Variants in SLC44A5 observed in about 807,000 individuals in gnomAD.
The protein encoded by SLC44A5 is choline transporter-like protein 5.
In SLC44A5, 57 loss-of-function variants were observed where a neutral mutation model predicts 101.8. The ratio of observed to expected loss-of-function variants is 0.56; its 90% CI spans 0.45 to 0.70. The LOEUF (loss-of-function observed/expected upper bound fraction) is 0.70. SLC44A5 is among the 30% of genes least tolerant of loss of function. The pLI, the probability that SLC44A5 is intolerant of heterozygous loss-of-function variation, is 0.00. For synonymous variants in SLC44A5, 281 were observed against 290.9 expected, an observed-to-expected ratio of 0.97 and a Z score of 0.35; for missense variants, 737 against 853.1, an observed-to-expected ratio of 0.86 and a Z score of 1.70.
chr1:75,392,675 T>C (rs780961724), intron 3 of SLC44A5, among the ~76,000 whole-genome samples: 35 of 152,088 alleles, frequency 2.3e-4, no homozygotes, highest in Non-Finnish European at 3.5e-4. Flanking sequence ...GGAAAAGAAA[T>C]TGTTCTACCA....
intron 4 of SLC44A5, among the ~76,000 whole-genome samples, chr1:75,331,272 CA>C (rs773877286): frequency 7.2e-5 from 11 of 152,112 alleles, no homozygotes; most frequent in African/African-American, 1.4e-4. Flanking sequence ...TTTAGTATCT[CA>C]AATTTAACAC....
chr1:75,280,508 A>T (rs966264487), intron 5 of SLC44A5, among the ~76,000 whole-genome samples: 1 of 121,976 alleles, frequency 8.2e-6, no homozygotes, highest in Non-Finnish European at 1.6e-5. Context: ...ATATATATAT[A>T]AAAAAACACC....
At chr1:75,299,748 T>C (rs537092351) in intron 5 of SLC44A5, among the ~76,000 whole-genome samples, 4 of 152,026 alleles carry the variant, frequency 2.6e-5, no homozygotes, top group African/African-American at 4.8e-5. Flanking sequence ...CAGTAGCTCA[T>C]GCCTGTAATC....
At chr1:75,468,373 G>A (rs955733288) in intron 2 of SLC44A5, among the ~76,000 whole-genome samples, 5 of 152,160 alleles carry the variant, frequency 3.3e-5, no homozygotes, top group Admixed American at 6.5e-5. Flanking sequence ...GCATTCCCAT[G>A]TTTGTTGTAG....
intron 2 of SLC44A5, 104 bp from the exon 3 acceptor site, chr1:75,396,725 AAC>A: frequency 1.1e-6 from 1 of 871,944 alleles, no homozygotes; most frequent in Non-Finnish European, 1.9e-6. Context: ...TCTTTAGACT[AAC>A]ACACAAAATA....
At chr1:75,497,752 C>A (rs953334258) in intron 2 of SLC44A5, among the ~76,000 whole-genome samples, 10 of 151,796 alleles carry the variant, frequency 6.6e-5, no homozygotes, top group South Asian at 2.1e-4. Flanking sequence ...ACATTGTGTA[C>A]CTTAAATATA....
chr1:75,244,047 G>A (rs2100614525), intron 7 of SLC44A5, among the ~76,000 whole-genome samples: 1 of 152,204 alleles, frequency 6.6e-6, no homozygotes, highest in African/African-American at 2.4e-5. Context: ...GTGGAAAGCA[G>A]AAAGCTGAAG....
intron 2 of SLC44A5, among the ~76,000 whole-genome samples, chr1:75,529,515 A>G (rs906510998): frequency 6.6e-6 from 1 of 152,176 alleles, no homozygotes; most frequent in African/African-American, 2.4e-5. Context: ...AGTAAATGCC[A>G]TCTCCCACAA....
At chr1:75,508,532 A>G (rs1271239021) in intron 2 of SLC44A5, among the ~76,000 whole-genome samples, 1 of 152,172 alleles carries the variant, frequency 6.6e-6, no homozygotes, top group African/African-American at 2.4e-5. Context: ...TTGAGACACA[A>G]AAATCCATAT....
chr1:75,448,147 C>T (rs977326046), intron 2 of SLC44A5, among the ~76,000 whole-genome samples: 2 of 152,216 alleles, frequency 1.3e-5, no homozygotes, highest in Admixed American at 1.3e-4. Context: ...GTTGCTGTAA[C>T]AAAGGAATCC....
chr1:75,301,841 C>A (rs191979484), intron 4 of SLC44A5, among the ~76,000 whole-genome samples: 2 of 152,120 alleles, frequency 1.3e-5, no homozygotes, highest in Non-Finnish European at 2.9e-5. Context: ...CAACGCCAAA[C>A]CTTTTTCACT....
At chr1:75,406,965 G>A (rs974156781) in intron 2 of SLC44A5, among the ~76,000 whole-genome samples, 13 of 152,074 alleles carry the variant, frequency 8.5e-5, no homozygotes, top group East Asian at 7.8e-4. Flanking sequence ...AAACCCTATC[G>A]CCTCAGCCCA....
chr1:75,475,870 T>TAAAATGGAGATA (rs1553187103), intron 2 of SLC44A5, among the ~76,000 whole-genome samples: 1 of 152,226 alleles, frequency 6.6e-6, no homozygotes, highest in Non-Finnish European at 1.5e-5. Context: ...TCTTCATCTG[T>TAAAATGGAGATA]AAAATGGAGA....
chr1:75,223,031 C>T (rs2100518036), intron 13 of SLC44A5, among the ~76,000 whole-genome samples: 1 of 152,284 alleles, frequency 6.6e-6, no homozygotes, highest in South Asian at 2.1e-4. Context: ...GTTTAGTCAA[C>T]TTGATTTATT....
intron 2 of SLC44A5, among the ~76,000 whole-genome samples, chr1:75,510,944 C>T (rs542027133): frequency 3.9e-5 from 6 of 152,238 alleles, no homozygotes; most frequent in Non-Finnish European, 7.4e-5. Flanking sequence ...AGATCGAGAC[C>T]ATCCTGGCTA....
intron 2 of SLC44A5, among the ~76,000 whole-genome samples, chr1:75,407,003 C>T (rs1662916554): frequency 1.3e-5 from 2 of 152,118 alleles, no homozygotes; most frequent in Non-Finnish European, 2.9e-5. Context: ...TAAGCAACTT[C>T]AGGAAAGTCT....
chr1:75,469,526 G>A (rs1419523718), intron 2 of SLC44A5, among the ~76,000 whole-genome samples: 1 of 152,100 alleles, frequency 6.6e-6, no homozygotes, highest in South Asian at 2.1e-4. Flanking sequence ...TGAAACCAGT[G>A]TGTGTAGAAC....
At chr1:75,204,552 T>A (rs140795782) in intron 23 of SLC44A5, 14,001 of 152,110 alleles carry the variant, frequency 0.092, 928 homozygotes, top group African/African-American at 0.18. Context: ...GGTGTGATCA[T>A]GGCTCACTGC....
the SLC44A5 span, among the ~76,000 whole-genome samples, chr1:75,624,137 T>G: frequency 8.5e-5 from 13 of 152,156 alleles, no homozygotes; most frequent in Non-Finnish European, 1.5e-4. Flanking sequence ...GGTTGTCTAC[T>G]GATCAAACAT....
Sources: gnomAD v4.1 joint callset for allele counts (sites outside exome capture counted in the v4.1 genomes callset) on GRCh38, gnomAD v4.1.1 for gene constraint, MANE v1.5 for transcripts, NCBI Gene and HGNC (gene_info 2026-07-23, HGNC 2026-07-21) for gene names.